Variants in ECT2 observed in about 807,000 individuals in gnomAD.
ECT2 encodes protein ECT2.
A neutral mutation model predicts 116.9 loss-of-function variants in ECT2; 61 were observed. The ratio of observed to expected loss-of-function variants is 0.52; its 90% CI spans 0.42 to 0.65. ECT2 has a LOEUF of 0.65. Among genes scored for constraint, ECT2 ranks in the 30% least tolerant of loss-of-function variants. The pLI is 0.00. For missense variants in ECT2, 937 were observed against 1,078.7 expected (o/e 0.87, Z 1.84); for synonymous variants, 358 against 346.4 (o/e 1.03, Z -0.37).
intron 18 of ECT2, among the ~76,000 whole-genome samples, chr3:172,800,720 G>A (rs757197973): frequency 2.6e-5 from 4 of 151,612 alleles, no homozygotes; most frequent in African/African-American, 9.7e-5. Flanking sequence ...GACTGATTTG[G>A]GTCATCAGAA....
downstream of ECT2, among the ~76,000 whole-genome samples, chr3:172,823,119 A>T (rs1057197265): frequency 6.6e-6 from 1 of 152,120 alleles, no homozygotes; most frequent in African/African-American, 2.4e-5. Context: ...GAATAGAAAG[A>T]TGTAAAAAGG....
intron 18 of ECT2, among the ~76,000 whole-genome samples, chr3:172,793,589 G>A (rs549318359): frequency 6.6e-6 from 1 of 151,932 alleles, no homozygotes; most frequent in South Asian, 2.1e-4. Context: ...TCAGCCTCCC[G>A]AGTAATTGAG....
chr3:172,755,688 T>A, intron 4 of ECT2, 113 bp downstream of exon 4: 1 of 486,800 alleles, frequency 2.1e-6, no homozygotes, highest in Non-Finnish European at 3.5e-6. Context: ...ATCTGAAGCT[T>A]AATGAATAGA....
chr3:172,777,452 T>C (rs1440376274), intron 14 of ECT2, among the ~76,000 whole-genome samples: 1 of 152,236 alleles, frequency 6.6e-6, no homozygotes, highest in Non-Finnish European at 1.5e-5. Context: ...TATACAACTT[T>C]AGAAGCCTCA....
chr3:172,752,445 G>A (rs897949254), intron 1 of ECT2: 3 of 151,294 alleles, frequency 2.0e-5, no homozygotes, highest in African/African-American at 7.3e-5. Flanking sequence ...TGGTATTTTT[G>A]ATTTTCCTCT....
chr3:172,766,985 T>G (rs1560266073), intron 12 of ECT2, among the ~76,000 whole-genome samples: 1 of 152,224 alleles, frequency 6.6e-6, no homozygotes. Flanking sequence ...TTCCCCAGTT[T>G]GTAGGTCATT....
At chr3:172,775,791 G>A (rs886751288) in intron 14 of ECT2, among the ~76,000 whole-genome samples, 3 of 151,852 alleles carry the variant, frequency 2.0e-5, no homozygotes, top group Non-Finnish European at 4.4e-5. Flanking sequence ...GCACCACCAC[G>A]CCTGGCTAAT....
intron 14 of ECT2, among the ~76,000 whole-genome samples, chr3:172,774,669 A>G (rs1721327400): frequency 6.6e-6 from 1 of 151,696 alleles, no homozygotes; most frequent in Non-Finnish European, 1.5e-5. Flanking sequence ...ATTTTTTTAA[A>G]AAAGTTTTTT....
chr3:172,805,726 A>G lies in ECT2; in HGVS notation c.2107-5A>G. The G allele has an allele frequency of 6.2e-7, 1 of 1,611,688 alleles. No individual in the cohort carries two copies. The highest frequency in any genetic ancestry group is 8.5e-7 in the Non-Finnish European group (1 of 1,179,234). The stretch of plus-strand genomic sequence containing the variant: ...GACTGATACTTTTTTATTTTCTATA[A>G]TCAGATAGCAAGAAAACGGCACAAG... On this transcript the variant is annotated splice_region_variant and splice_polypyrimidine_tract_variant and intron_variant, in intron 20 of 24. Transcript: ENST00000392692.
intron 24 of ECT2, chr3:172,818,611 C>T: frequency 7.8e-7 from 1 of 1,288,704 alleles, no homozygotes; most frequent in Non-Finnish European, 1.0e-6. Context: ...TGTTCAGCGC[C>T]TAAACTCTAC....
the ECT2 span, chr3:172,828,913 T>A: frequency 1.4e-6 from 2 of 1,452,636 alleles, no homozygotes; most frequent in Middle Eastern, 2.3e-4. Context: ...CAAACACAAT[T>A]CCAATGCCAG....
intron 12 of ECT2, among the ~76,000 whole-genome samples, chr3:172,764,857 A>G (rs1335757052): frequency 1.3e-5 from 2 of 152,198 alleles, no homozygotes; most frequent in Non-Finnish European, 1.5e-5. Flanking sequence ...AGGTCACATA[A>G]ATTATGGAGA....
At chr3:172,768,241 C>T (rs1480461928) in intron 12 of ECT2, among the ~76,000 whole-genome samples, 1 of 152,126 alleles carries the variant, frequency 6.6e-6, no homozygotes, top group Non-Finnish European at 1.5e-5. Context: ...CAACCTTTTC[C>T]TCTTTACATG....
chr3:172,811,982 TC>T (rs1728840700), intron 22 of ECT2, among the ~76,000 whole-genome samples: 1 of 148,448 alleles, frequency 6.7e-6, no homozygotes, highest in Admixed American at 6.7e-5. Flanking sequence ...AAAATGTATT[TC>T]TTTTTTTTTT....
chr3:172,761,544 C>T, intron 7 of ECT2, 66 bp from the exon 8 acceptor site: 1 of 1,103,164 alleles, frequency 9.1e-7, no homozygotes, highest in Admixed American at 1.9e-5. Context: ...AGTATGTTAA[C>T]TGTTTAGAAC....
At chr3:172,813,661 A>C (rs1729164303) in intron 22 of ECT2, among the ~76,000 whole-genome samples, 1 of 152,108 alleles carries the variant, frequency 6.6e-6, no homozygotes, top group African/African-American at 2.4e-5. Context: ...ACTGTTGTGC[A>C]ATATCACCAC....
the ECT2 span, among the ~76,000 whole-genome samples, chr3:172,828,121 T>C: frequency 3.9e-5 from 6 of 152,172 alleles, no homozygotes; most frequent in Admixed American, 3.3e-4. Flanking sequence ...AAGATACTTG[T>C]TACAATAGCA....
At chr3:172,776,778 G>A (rs1328338407) in intron 14 of ECT2, among the ~76,000 whole-genome samples, 5 of 151,804 alleles carry the variant, frequency 3.3e-5, no homozygotes, top group Admixed American at 6.6e-5. Flanking sequence ...ACAGTTTTTC[G>A]TATCATCTCA....
At chr3:172,811,094 A>G (rs577875669) in intron 22 of ECT2, among the ~76,000 whole-genome samples, 4 of 152,186 alleles carry the variant, frequency 2.6e-5, no homozygotes, top group Non-Finnish European at 5.9e-5. Context: ...AGTTTTGGCT[A>G]ATCTATCAAT....
Sources: allele counts gnomAD v4.1 joint callset (sites outside exome capture counted in the v4.1 genomes callset), GRCh38; gene constraint gnomAD v4.1.1; transcripts MANE v1.5; gene names NCBI Gene and HGNC (gene_info 2026-07-23, HGNC 2026-07-21).